PDE1A: variants seen among roughly 807,000 people sequenced by gnomAD.
The protein encoded by PDE1A is phosphodiesterase 1A.
Under a neutral mutation model 61.7 loss-of-function variants are expected in PDE1A, and 35 were observed. That is an observed-to-expected ratio of 0.57 (90% CI 0.43 to 0.75). The LOEUF is 0.75. Ranked by LOEUF, PDE1A falls within the 30% of genes least tolerant of loss-of-function variation. The probability of loss-of-function intolerance (pLI) is 0.00; values close to 1 mark genes in which losing one functional copy is unlikely to be tolerated. For synonymous variants in PDE1A, 232 were observed against 213.2 expected (o/e 1.09, Z -0.77); for missense variants, 597 against 630.6 (o/e 0.95, Z 0.57).
At chr2:182,492,702 C>T (rs1436978616) in intron 2 of PDE1A, among the ~76,000 whole-genome samples, 1 of 152,110 alleles carries the variant, frequency 6.6e-6, no homozygotes, top group African/African-American at 2.4e-5. Flanking sequence ...CTGTCATGAG[C>T]TTTAGAGAAG....
At chr2:182,304,339 G>T (rs1421790008) in intron 1 of PDE1A, among the ~76,000 whole-genome samples, 1 of 152,144 alleles carries the variant, frequency 6.6e-6, no homozygotes, top group Non-Finnish European at 1.5e-5. Flanking sequence ...TGACTGGTTT[G>T]ATCTTCTATC....
At chr2:182,649,304 A>G in the PDE1A span, among the ~76,000 whole-genome samples, 2 of 152,272 alleles carry the variant, frequency 1.3e-5, no homozygotes, top group Admixed American at 1.3e-4. Context: ...AGAATAGGAA[A>G]AGCAACATGA....
intron 2 of PDE1A, among the ~76,000 whole-genome samples, chr2:182,489,142 G>A (rs561612930): frequency 2.0e-4 from 30 of 152,186 alleles, no homozygotes; most frequent in Non-Finnish European, 3.4e-4. Context: ...GTGAGAGGGT[G>A]CACTATGAAT....
chr2:182,420,266 T>C (rs932816975), intron 1 of PDE1A, among the ~76,000 whole-genome samples: 3 of 152,102 alleles, frequency 2.0e-5, no homozygotes, highest in Non-Finnish European at 4.4e-5. Context: ...GTCTTTGGCA[T>C]CTCTGTTAGT....
chr2:182,312,746 C>G (rs567684794), intron 1 of PDE1A, among the ~76,000 whole-genome samples: 2 of 151,962 alleles, frequency 1.3e-5, no homozygotes, highest in East Asian at 3.9e-4. Flanking sequence ...CTTCTAACTT[C>G]GTTCTTCTTT....
intron 2 of PDE1A, among the ~76,000 whole-genome samples, chr2:182,449,875 G>A (rs1425558143): frequency 6.6e-6 from 1 of 151,952 alleles, no homozygotes. Flanking sequence ...AAGAGAATCA[G>A]AGTGAATTTT....
At chr2:182,586,868 G>C in the PDE1A span, among the ~76,000 whole-genome samples, 14 of 152,146 alleles carry the variant, frequency 9.2e-5, no homozygotes, top group Non-Finnish European at 1.6e-4. Flanking sequence ...AAGATACAGT[G>C]GTTGCCCTAT....
At chr2:182,668,772 T>C in the PDE1A span, among the ~76,000 whole-genome samples, 1 of 152,166 alleles carries the variant, frequency 6.6e-6, no homozygotes, top group Non-Finnish European at 1.5e-5. Flanking sequence ...GCACTCACCA[T>C]TTCCTGGCTC....
intron 2 of PDE1A, among the ~76,000 whole-genome samples, chr2:182,480,846 T>C (rs1214304683): frequency 1.3e-5 from 2 of 151,898 alleles, no homozygotes; most frequent in Non-Finnish European, 2.9e-5. Context: ...AAGGAGGCTA[T>C]GCTTTAGGGA....
chr2:182,371,488 A>C (rs151252574), intron 1 of PDE1A, among the ~76,000 whole-genome samples: 1 of 152,226 alleles, frequency 6.6e-6, no homozygotes, highest in African/African-American at 2.4e-5. Flanking sequence ...AAAGCTCCCA[A>C]TAAAAGTACA....
chr2:182,576,862 T>G, the PDE1A span, among the ~76,000 whole-genome samples: 3 of 152,186 alleles, frequency 2.0e-5, no homozygotes, highest in Non-Finnish European at 4.4e-5. Context: ...TTGGTGATTA[T>G]AAGCATCTTT....
the PDE1A span, among the ~76,000 whole-genome samples, chr2:182,616,203 G>A: frequency 1.1e-3 from 170 of 152,320 alleles, 1 homozygote; most frequent in African/African-American, 3.9e-3. Context: ...GTGAGATGCT[G>A]AGGATCACAC....
chr2:182,513,447 G>T (rs1005994503), intron 2 of PDE1A, among the ~76,000 whole-genome samples: 1 of 152,154 alleles, frequency 6.6e-6, no homozygotes, highest in East Asian at 1.9e-4. Flanking sequence ...GTCCTTAAGG[G>T]AGTGCTAAAC....
At chr2:182,265,860 T>C (rs939003639) in intron 1 of PDE1A, among the ~76,000 whole-genome samples, 1 of 152,202 alleles carries the variant, frequency 6.6e-6, no homozygotes, top group Non-Finnish European at 1.5e-5. Flanking sequence ...TTTAATTCCA[T>C]TCTATTCAGA....
the PDE1A span, among the ~76,000 whole-genome samples, chr2:182,614,432 CTTTAT>C: frequency 6.6e-6 from 1 of 151,070 alleles, no homozygotes. Flanking sequence ...AATTTTAATT[CTTTAT>C]TTTTTCAAGT....
downstream of PDE1A, chr2:182,167,829 A>ATT: frequency 1.3e-5 from 9 of 705,106 alleles, no homozygotes; most frequent in Non-Finnish European, 1.4e-5. Flanking sequence ...GTAAAAGATA[A>ATT]TTTTTTTTTT....
At chr2:182,479,673 T>C (rs1273391143) in intron 2 of PDE1A, among the ~76,000 whole-genome samples, 1 of 151,838 alleles carries the variant, frequency 6.6e-6, no homozygotes, top group Non-Finnish European at 1.5e-5. Context: ...GATAAATATA[T>C]ATAGCATTTC....
rs142307251 is a variant in PDE1A at position 182,385,640 on chromosome 2, GAAGA to G, written c.53+40934_53+40937del. Among the ~76,000 whole-genome samples the G allele has an allele frequency of 2.7e-4, 19 of 70,450 alleles. 2 individuals are homozygous for G. The highest frequency in any genetic ancestry group is 4.6e-4 in the Non-Finnish European group (14 of 30,426). 46.2% of individuals were successfully genotyped at this position (70,450 alleles called of 152,430 possible). A position where few individuals can be genotyped will look rare whatever the true frequency, so the allele number is the denominator to read the frequency against. ...GAAACAGAAAGAAAGAAAGAAAGAA[GAAGA>G]AAGAAAGAAAGAAAGAAGAAAAAAA... On this transcript the variant is annotated intron_variant, in intron 1 of 13. Coordinates refer to ENST00000351439, the Ensembl canonical transcript of PDE1A.
chr2:182,174,792 T>A (rs1180912195), intron 13 of PDE1A, among the ~76,000 whole-genome samples: 1 of 152,110 alleles, frequency 6.6e-6, no homozygotes, highest in Non-Finnish European at 1.5e-5. Context: ...ATGTGCAGAA[T>A]GTGTAGGTTT....
Sources: gnomAD v4.1 joint callset for allele counts (sites outside exome capture counted in the v4.1 genomes callset) on GRCh38, gnomAD v4.1.1 for gene constraint, MANE v1.5 for transcripts, NCBI Gene and HGNC (gene_info 2026-07-23, HGNC 2026-07-21) for gene names.